The following NEDD4L variants were observed in gnomAD, a reference collection of about 807,000 sequenced individuals.
NEDD4L encodes the protein E3 ubiquitin-protein ligase NEDD4-like.
NEDD4L carries 54 observed loss-of-function variants against 148.9 expected under a neutral mutation model. That is an observed-to-expected ratio of 0.36 (90% CI 0.29 to 0.45). The LOEUF (loss-of-function observed/expected upper bound fraction) is 0.45, where lower values mean the gene tolerates loss of function less well. Ranked by LOEUF, NEDD4L falls within the 20% of genes least tolerant of loss-of-function variation. The pLI is 1.00. For missense variants in NEDD4L, 856 were observed against 1,233.8 expected, an observed-to-expected ratio of 0.69 and a Z score of 4.59; for synonymous variants, 433 against 440.7, an observed-to-expected ratio of 0.98 and a Z score of 0.22.
intron 28 of NEDD4L, 39 bp from the exon 29 acceptor site, chr18:58,390,607 C>G: frequency 7.6e-7 from 1 of 1,310,648 alleles, no homozygotes; most frequent in Non-Finnish European, 1.1e-6. Flanking sequence ...TGCCATGGGT[C>G]ACGTGGGGGG....
Position 58,397,172 on chromosome 18 carries a change from T to G in NEDD4L, c.*903T>G, listed in dbSNP as rs1348361693. The G allele has an allele frequency of 6.6e-6, 1 of 152,654 alleles. No homozygotes were observed. The highest frequency in any genetic ancestry group is 2.4e-5 in the African/African-American group (1 of 41,458). The allele number at this position is 152,654 out of a possible 1,614,324, so 9.5% of individuals were successfully genotyped here. ...TTTATTCTATTTCCTCTTTGCTGTT[T>G]GTAGTAGAGACATTTTGAATGAAAC... On this transcript the variant is annotated 3_prime_UTR_variant, in exon 31 of 31. Transcript: ENST00000400345.
chr18:58,058,591 A>G (rs2082191272), intron 1 of NEDD4L, among the ~76,000 whole-genome samples: 1 of 152,222 alleles, frequency 6.6e-6, no homozygotes, highest in South Asian at 2.1e-4. Context: ...CAGAGAAAGA[A>G]TTAACTGAAG....
intron 18 of NEDD4L, among the ~76,000 whole-genome samples, chr18:58,356,856 T>C (rs1158871552): frequency 6.6e-6 from 1 of 152,214 alleles, no homozygotes; most frequent in East Asian, 1.9e-4. Context: ...TTTTTTCAAC[T>C]AAATGAAAAT....
intron 1 of NEDD4L, among the ~76,000 whole-genome samples, chr18:58,055,774 A>C (rs913452968): frequency 3.9e-5 from 6 of 152,208 alleles, no homozygotes; most frequent in Non-Finnish European, 7.3e-5. Flanking sequence ...TTAAAGTTTG[A>C]ATTTCCATCC....
intron 24 of NEDD4L, 142 bp downstream of exon 24, chr18:58,373,411 C>A: frequency 3.2e-6 from 2 of 615,668 alleles, no homozygotes; most frequent in South Asian, 1.9e-5. Context: ...ATTGTAGCAG[C>A]ACCTTTTTGT....
At chr18:58,316,138 G>A in intron 6 of NEDD4L, 106 bp downstream of exon 6, 1 of 921,408 alleles carries the variant, frequency 1.1e-6, no homozygotes, top group Non-Finnish European at 1.7e-6. Flanking sequence ...GGTGAAGAAG[G>A]CTGAAATGAA....
At position 58,110,627 on chromosome 18, in the gene NEDD4L, C is replaced by T. The variant is rs551476332; in HGVS notation, c.49-55161C>T. 3.3e-4 allele frequency among the ~76,000 whole-genome samples: 50 copies of T among 152,320 alleles called. 1 individual carries two copies. The highest frequency in any genetic ancestry group is 1.1e-3 in the African/African-American group (44 of 41,564). On this transcript the variant is annotated intron_variant, in intron 1 of 30. Transcript: ENST00000400345. ...GGGAGCGCTGTGCCACCGCCACCCA[C>T]GATGGACCTGCCCTGAGAGAGAAGC...
chr18:58,121,224 T>C (rs942266476), intron 1 of NEDD4L, among the ~76,000 whole-genome samples: 11 of 152,096 alleles, frequency 7.2e-5, no homozygotes, highest in African/African-American at 2.7e-4. Context: ...TCACGTGTGT[T>C]ATTAGGATCT....
chr18:58,060,934 T>G (rs2082304458), intron 1 of NEDD4L, among the ~76,000 whole-genome samples: 1 of 152,116 alleles, frequency 6.6e-6, no homozygotes, highest in African/African-American at 2.4e-5. Flanking sequence ...AATTGTTGTA[T>G]TTTTTAGTAG....
intron 2 of NEDD4L, among the ~76,000 whole-genome samples, chr18:58,174,585 A>G (rs1408275708): frequency 1.3e-5 from 2 of 152,094 alleles, no homozygotes. Context: ...ATGAATGAAC[A>G]TGTTCTTTTC....
At chr18:58,298,571 A>G (rs946545089) in intron 5 of NEDD4L, among the ~76,000 whole-genome samples, 1 of 152,224 alleles carries the variant, frequency 6.6e-6, no homozygotes, top group African/African-American at 2.4e-5. Context: ...AACGTTTAGA[A>G]CATTGCTTTA....
At chr18:58,370,260 C>A in intron 22 of NEDD4L, 137 bp from the exon 23 acceptor site, 1 of 653,142 alleles carries the variant, frequency 1.5e-6, no homozygotes, top group Non-Finnish European at 2.8e-6. Context: ...CTCGCTTGTG[C>A]AATACTGTAG....
At chr18:58,097,210 T>C (rs1226276991) in intron 1 of NEDD4L, among the ~76,000 whole-genome samples, 1 of 152,166 alleles carries the variant, frequency 6.6e-6, no homozygotes, top group Admixed American at 6.5e-5. Context: ...AATGAGACCA[T>C]TGTAAATGAC....
At chr18:58,364,168 C>T (rs1185147346) in intron 19 of NEDD4L, 100 bp from the exon 20 acceptor site, 9 of 718,994 alleles carry the variant, frequency 1.3e-5, no homozygotes, top group Non-Finnish European at 1.9e-5. Flanking sequence ...TGAGAATTTA[C>T]GGTTTATGAC....
At chr18:58,044,935 T>A (rs2081506649) in intron 1 of NEDD4L, 1 of 471,986 alleles carries the variant, frequency 2.1e-6, no homozygotes, top group Non-Finnish European at 3.8e-6. Context: ...CGCGACGCCC[T>A]TGGAGCTGGG....
At chr18:58,216,994 C>A (rs2043211741) in intron 2 of NEDD4L, among the ~76,000 whole-genome samples, 1 of 152,122 alleles carries the variant, frequency 6.6e-6, no homozygotes. Context: ...ATCTTGGGGT[C>A]TTTTCAAATG....
At chr18:58,086,031 CT>C (rs2083741411) in intron 1 of NEDD4L, among the ~76,000 whole-genome samples, 1 of 152,108 alleles carries the variant, frequency 6.6e-6, no homozygotes, top group African/African-American at 2.4e-5. Context: ...GGGGGATGTA[CT>C]CTTTGGTTTG....
intron 1 of NEDD4L, chr18:58,054,773 A>G (rs544732404): frequency 1.3e-5 from 2 of 152,396 alleles, no homozygotes; most frequent in South Asian, 2.1e-4. Flanking sequence ...ACACCAGAAG[A>G]TAAATGAATG....
At chr18:58,190,351 G>C (rs979139852) in intron 2 of NEDD4L, among the ~76,000 whole-genome samples, 6 of 152,030 alleles carry the variant, frequency 3.9e-5, no homozygotes, top group Non-Finnish European at 7.4e-5. Flanking sequence ...CCCTAAATTA[G>C]CTTAATAATG....
Sources: gnomAD v4.1 joint callset for allele counts (sites outside exome capture counted in the v4.1 genomes callset) on GRCh38, gnomAD v4.1.1 for gene constraint, MANE v1.5 for transcripts, NCBI Gene and HGNC (gene_info 2026-07-23, HGNC 2026-07-21) for gene names.